CLYBL: variants seen among roughly 807,000 people sequenced by gnomAD.
The protein encoded by CLYBL is citramalyl-CoA lyase, mitochondrial.
CLYBL carries 31 observed loss-of-function variants against 38.9 expected under a neutral mutation model. That is an observed-to-expected ratio of 0.80 (90% CI 0.60 to 1.08). CLYBL has a LOEUF of 1.08. CLYBL is among the 50% of genes least tolerant of loss of function. CLYBL has a pLI of 0.00. For missense variants in CLYBL, 434 were observed against 411.6 expected, an observed-to-expected ratio of 1.05 and a Z score of -0.47; for synonymous variants, 171 against 158.6, an observed-to-expected ratio of 1.08 and a Z score of -0.59.
At chr13:99,637,236 T>C (rs1035299167) in intron 1 of CLYBL, among the ~76,000 whole-genome samples, 1 of 152,168 alleles carries the variant, frequency 6.6e-6, no homozygotes, top group African/African-American at 2.4e-5. Context: ...GCCATTGTGC[T>C]CACCCAAAGA....
chr13:99,903,372 A>G (rs1443297874), intron 8 of CLYBL, among the ~76,000 whole-genome samples: 1 of 151,780 alleles, frequency 6.6e-6, no homozygotes, highest in East Asian at 1.9e-4. Context: ...ACACACTGGC[A>G]CACACACACG....
chr13:99,776,879 G>T (rs572188109), intron 2 of CLYBL, among the ~76,000 whole-genome samples: 1 of 147,520 alleles, frequency 6.8e-6, no homozygotes, highest in African/African-American at 2.5e-5. Context: ...GTTCATGCAC[G>T]TTTTTTTTTT....
chr13:99,733,063 C>T (rs1055514318), intron 1 of CLYBL, among the ~76,000 whole-genome samples: 1 of 152,146 alleles, frequency 6.6e-6, no homozygotes, highest in Non-Finnish European at 1.5e-5. Flanking sequence ...TAATTCGCAT[C>T]TGTTATGTGT....
intron 1 of CLYBL, among the ~76,000 whole-genome samples, chr13:99,712,840 C>T (rs2048255991): frequency 6.6e-6 from 1 of 152,142 alleles, no homozygotes; most frequent in African/African-American, 2.4e-5. Context: ...GTTTATAAAA[C>T]ACCATAATCC....
At chr13:99,632,676 C>A (rs569766959) in intron 1 of CLYBL, among the ~76,000 whole-genome samples, 3 of 151,814 alleles carry the variant, frequency 2.0e-5, no homozygotes, top group African/African-American at 7.3e-5. Flanking sequence ...ACCTGGGAGG[C>A]GGAGGTTGCA....
At chr13:99,792,631 G>C (rs1469750012) in intron 2 of CLYBL, among the ~76,000 whole-genome samples, 1 of 142,634 alleles carries the variant, frequency 7.0e-6, no homozygotes, top group Admixed American at 6.9e-5. Context: ...CTCTTTGAAT[G>C]CTTCTCCTGC....
At chr13:99,776,359 G>A (rs2049516327) in intron 2 of CLYBL, among the ~76,000 whole-genome samples, 1 of 151,070 alleles carries the variant, frequency 6.6e-6, no homozygotes, top group Non-Finnish European at 1.5e-5. Flanking sequence ...AGCCAGGAGT[G>A]GTGGCACACA....
At chr13:99,699,854 C>T (rs1159408897) in intron 1 of CLYBL, among the ~76,000 whole-genome samples, 1 of 150,622 alleles carries the variant, frequency 6.6e-6, no homozygotes, top group Non-Finnish European at 1.5e-5. Context: ...ATTAGCTGGG[C>T]GTGGTGGCGG....
chr13:99,671,779 CA>C (rs753315768), intron 1 of CLYBL, among the ~76,000 whole-genome samples: 209 of 88,646 alleles, frequency 2.4e-3, no homozygotes, highest in South Asian at 4.7e-3. Flanking sequence ...GACTCTTTCT[CA>C]AAAAAAAAAA....
At chr13:99,674,468 A>G (rs1329798093) in intron 1 of CLYBL, among the ~76,000 whole-genome samples, 1 of 151,882 alleles carries the variant, frequency 6.6e-6, no homozygotes, top group East Asian at 1.9e-4. Context: ...CTAGAATTCT[A>G]AGTGGAGGTA....
At chr13:99,750,303 T>C (rs1450994399) in intron 1 of CLYBL, among the ~76,000 whole-genome samples, 4 of 152,234 alleles carry the variant, frequency 2.6e-5, no homozygotes, top group African/African-American at 9.6e-5. Flanking sequence ...AAGAAATTTT[T>C]ATTTTCAACC....
intron 1 of CLYBL, among the ~76,000 whole-genome samples, chr13:99,675,252 T>C (rs2047626777): frequency 6.6e-6 from 1 of 152,198 alleles, no homozygotes; most frequent in Non-Finnish European, 1.5e-5. Flanking sequence ...GTCACATACA[T>C]AAAGGGGACC....
At chr13:99,750,409 C>T (rs778084532) in intron 1 of CLYBL, among the ~76,000 whole-genome samples, 10 of 152,124 alleles carry the variant, frequency 6.6e-5, no homozygotes, top group African/African-American at 2.4e-4. Context: ...GATGGCCAGG[C>T]GCGGTGGCTC....
At chr13:99,650,518 T>C (rs1252135034) in intron 1 of CLYBL, among the ~76,000 whole-genome samples, 1 of 152,200 alleles carries the variant, frequency 6.6e-6, no homozygotes, top group African/African-American at 2.4e-5. Flanking sequence ...TGACAGAAAC[T>C]GTTGCCAAAT....
chr13:99,796,529 A>G (rs1207174902), intron 2 of CLYBL, among the ~76,000 whole-genome samples: 1 of 152,222 alleles, frequency 6.6e-6, no homozygotes, highest in Non-Finnish European at 1.5e-5. Flanking sequence ...ATTCTATGAA[A>G]GAGGTGCTAT....
intron 1 of CLYBL, among the ~76,000 whole-genome samples, chr13:99,755,148 C>T (rs552991415): frequency 2.0e-5 from 3 of 152,324 alleles, no homozygotes; most frequent in South Asian, 4.1e-4. Flanking sequence ...CCGCCCGCCT[C>T]GGCCTCCCAG....
At chr13:99,711,347 C>T (rs2048227785) in intron 1 of CLYBL, among the ~76,000 whole-genome samples, 1 of 150,744 alleles carries the variant, frequency 6.6e-6, no homozygotes, top group African/African-American at 2.4e-5. Flanking sequence ...TCCCGGTCCA[C>T]AGACGCACAC....
chr13:99,736,155 C>T (rs1041087780), intron 1 of CLYBL, among the ~76,000 whole-genome samples: 1 of 149,342 alleles, frequency 6.7e-6, no homozygotes, highest in Non-Finnish European at 1.5e-5. Context: ...AGCGATTCTC[C>T]TGCCTCAGCC....
intron 1 of CLYBL, among the ~76,000 whole-genome samples, chr13:99,643,416 T>C (rs1261863331): frequency 6.6e-6 from 1 of 152,216 alleles, no homozygotes; most frequent in African/African-American, 2.4e-5. Context: ...TTTCTGCCAA[T>C]ACCTGCATTT....
Sources: gnomAD v4.1 joint callset for allele counts (sites outside exome capture counted in the v4.1 genomes callset) on GRCh38, gnomAD v4.1.1 for gene constraint, MANE v1.5 for transcripts, NCBI Gene and HGNC (gene_info 2026-07-23, HGNC 2026-07-21) for gene names.